Variants in REC114 observed in about 807,000 individuals in gnomAD.
REC114 encodes the protein REC114 meiotic recombination protein.
REC114 carries 27 observed loss-of-function variants against 31.3 expected under a neutral mutation model. The observed-to-expected ratio is 0.86, with a 90% CI of 0.64 to 1.19. The LOEUF (loss-of-function observed/expected upper bound fraction) is 1.19, where lower values mean the gene tolerates loss of function less well. Ranked by LOEUF, REC114 falls within the 50% of genes most tolerant of loss-of-function variation. REC114 has a pLI of 0.00. For synonymous variants in REC114, 134 were observed against 127.7 expected (o/e 1.05, Z -0.33); for missense variants, 344 against 326.9 (o/e 1.05, Z -0.40).
In REC114 at chr15:73,557,414, T is replaced by TAAAAA. The variant is rs767116205; in HGVS notation, c.636+1038_636+1042dup. 6.2e-5 allele frequency among the ~76,000 whole-genome samples: 7 copies of TAAAAA among 113,190 alleles called. No individual in the cohort carries two copies. In the East Asian group the frequency reaches 1.7e-3, roughly 28 times the overall value. 74.3% of individuals were successfully genotyped at this position (113,190 alleles called of 152,430 possible). A position where few individuals can be genotyped will look rare whatever the true frequency, so the allele number is the denominator to read the frequency against. On this transcript the variant is annotated intron_variant, in intron 5 of 5. Transcript: ENST00000331090. The stretch of plus-strand genomic sequence containing the variant: ...CCACTAAACTGTACTATCAGTAGTT[T>TAAAAA]AAAAAAAAAAAAAAAAAAAGAAAAA...
chr15:73,511,315 C>G (rs2141314846), intron 2 of REC114, among the ~76,000 whole-genome samples: 1 of 151,538 alleles, frequency 6.6e-6, no homozygotes, highest in Admixed American at 6.6e-5. Flanking sequence ...TTTATTGTGT[C>G]TATTTGATTC....
rs183382151 is a variant in REC114 at position 73,500,467 on chromosome 15, G to A, written c.249+26546G>A. ...TTCAAGAAAGGCAAAACTAGTCTATGGTGATAGAAGTCAGGATAGCAGTAC... is the reference window on the plus strand; with the variant it reads ...TTCAAGAAAGGCAAAACTAGTCTATAGTGATAGAAGTCAGGATAGCAGTAC... On this transcript the variant is annotated intron_variant, in intron 2 of 5. Transcript: ENST00000331090. Among the ~76,000 whole-genome samples, 255 of 152,174 alleles carry A rather than the reference G, an allele frequency of 1.7e-3. 1 individual carries two copies. The highest frequency in any genetic ancestry group is 3.4e-3 in the Middle Eastern group (1 of 294).
chr15:73,473,256 G>A (rs1893158546), intron 1 of REC114, among the ~76,000 whole-genome samples: 1 of 152,218 alleles, frequency 6.6e-6, no homozygotes, highest in African/African-American at 2.4e-5. Flanking sequence ...GGGCATGGTG[G>A]CGCATGCCTG....
intron 1 of REC114, among the ~76,000 whole-genome samples, chr15:73,454,683 T>A (rs1892893591): frequency 6.6e-6 from 1 of 152,202 alleles, no homozygotes; most frequent in Admixed American, 6.5e-5. Context: ...TAAGGATGAC[T>A]GACCTATAAT....
intron 2 of REC114, among the ~76,000 whole-genome samples, chr15:73,500,676 C>T (rs774662300): frequency 4.3e-4 from 65 of 149,464 alleles, no homozygotes; most frequent in Non-Finnish European, 1.3e-4. Flanking sequence ...TAAGTTACAG[C>T]TCATTTTTTA....
intron 2 of REC114, among the ~76,000 whole-genome samples, chr15:73,500,709 C>G (rs1385475299): frequency 6.7e-6 from 1 of 149,700 alleles, no homozygotes; most frequent in African/African-American, 2.5e-5. Context: ...TTTTTTAAAG[C>G]CTGTTCTCTT....
At chr15:73,542,753 T>G (rs1346180641) in intron 3 of REC114, among the ~76,000 whole-genome samples, 1 of 152,162 alleles carries the variant, frequency 6.6e-6, no homozygotes, top group Non-Finnish European at 1.5e-5. Context: ...ATCCTGTTCT[T>G]TTTATCAGGA....
intron 2 of REC114, among the ~76,000 whole-genome samples, chr15:73,514,187 G>T (rs1893823757): frequency 6.6e-6 from 1 of 151,310 alleles, no homozygotes. Context: ...GCAATATTCG[G>T]GTGGGAGTGA....
At chr15:73,463,985 C>T (rs1170889931) in intron 1 of REC114, among the ~76,000 whole-genome samples, 1 of 152,108 alleles carries the variant, frequency 6.6e-6, no homozygotes, top group African/African-American at 2.4e-5. Flanking sequence ...GGAACTTAAA[C>T]CGTTTGTATC....
At chr15:73,499,634 A>G (rs1195487938) in intron 2 of REC114, among the ~76,000 whole-genome samples, 1 of 152,158 alleles carries the variant, frequency 6.6e-6, no homozygotes, top group Non-Finnish European at 1.5e-5. Flanking sequence ...TAAAAATACA[A>G]GTCTGGTCAG....
chr15:73,518,247 A>G (rs1304519394), intron 2 of REC114, among the ~76,000 whole-genome samples: 1 of 152,228 alleles, frequency 6.6e-6, no homozygotes, highest in Non-Finnish European at 1.5e-5. Context: ...TAAACAAAGT[A>G]AATAACTTAT....
At chr15:73,489,182 T>G (rs1313785147) in intron 2 of REC114, among the ~76,000 whole-genome samples, 1 of 150,006 alleles carries the variant, frequency 6.7e-6, no homozygotes, top group Non-Finnish European at 1.5e-5. Flanking sequence ...ACCCATTTTC[T>G]GAATGCCCCT....
At chr15:73,488,062 G>T (rs967746957) in intron 2 of REC114, among the ~76,000 whole-genome samples, 3 of 152,142 alleles carry the variant, frequency 2.0e-5, no homozygotes, top group Admixed American at 6.5e-5. Context: ...GTCACAGCTG[G>T]GGTGGTCAAG....
chr15:73,541,470 ATTAG>A (rs1220260799), intron 3 of REC114, among the ~76,000 whole-genome samples: 1 of 152,226 alleles, frequency 6.6e-6, no homozygotes, highest in Non-Finnish European at 1.5e-5. Context: ...AAGCATATAT[ATTAG>A]TTCACAAATT....
chr15:73,453,553 C>T (rs1892879931), intron 1 of REC114, among the ~76,000 whole-genome samples: 1 of 152,280 alleles, frequency 6.6e-6, no homozygotes, highest in East Asian at 1.9e-4. Flanking sequence ...TTGTGGAAGA[C>T]AGTGTGGCAA....
chr15:73,536,151 G>T lies in REC114; in HGVS notation c.250-4334G>T, dbSNP rs1206581146. 2.0e-5 allele frequency among the ~76,000 whole-genome samples: 3 copies of T among 152,184 alleles called. No homozygotes were observed. The South Asian group carries it at 6.2e-4, about 32-fold the overall frequency. ...CATGTCTAAAACACCAAAAGCAATGGCAACAAAAGACAAAATTGACAAATG... is the reference window on the plus strand; with the variant it reads ...CATGTCTAAAACACCAAAAGCAATGTCAACAAAAGACAAAATTGACAAATG... On this transcript the variant is annotated intron_variant, in intron 2 of 5. Coordinates refer to ENST00000331090, the MANE Select transcript of REC114 (RefSeq NM_001042367.2).
intron 2 of REC114, among the ~76,000 whole-genome samples, chr15:73,536,392 C>T (rs1894157383): frequency 6.6e-6 from 1 of 152,168 alleles, no homozygotes; most frequent in Non-Finnish European, 1.5e-5. Context: ...GACACATTTC[C>T]CCCTCCTCTT....
chr15:73,495,869 T>C (rs1374334675), intron 2 of REC114, among the ~76,000 whole-genome samples: 2 of 152,204 alleles, frequency 1.3e-5, no homozygotes. Context: ...CATTTTACTT[T>C]GACTATTACT....
At chr15:73,556,739 T>G (rs888486277) in intron 5 of REC114, among the ~76,000 whole-genome samples, 2 of 152,152 alleles carry the variant, frequency 1.3e-5, no homozygotes, top group African/African-American at 4.8e-5. Context: ...GAAATGAAAT[T>G]TGGGAACTAT....
Sources: gnomAD v4.1 joint callset for allele counts (sites outside exome capture counted in the v4.1 genomes callset) on GRCh38, gnomAD v4.1.1 for gene constraint, MANE v1.5 for transcripts, NCBI Gene and HGNC (gene_info 2026-07-23, HGNC 2026-07-21) for gene names.